The following ATRNL1 variants were observed in gnomAD, a reference collection of about 807,000 sequenced individuals.
The protein encoded by ATRNL1 is attractin-like protein 1.
ATRNL1 carries 95 observed loss-of-function variants against 182.7 expected under a neutral mutation model. That is an observed-to-expected ratio of 0.52 (90% confidence interval 0.44 to 0.62). The LOEUF (loss-of-function observed/expected upper bound fraction) is 0.62, where lower values mean the gene tolerates loss of function less well. Among genes scored for constraint, ATRNL1 ranks in the 20% least tolerant of loss-of-function variants. The pLI is 0.00. For missense variants in ATRNL1, 1,471 were observed against 1,679.5 expected, an observed-to-expected ratio of 0.88 and a Z score of 2.17; for synonymous variants, 576 against 568.3, an observed-to-expected ratio of 1.01 and a Z score of -0.19.
intron 8 of ATRNL1, among the ~76,000 whole-genome samples, chr10:115,197,737 C>G (rs192039481): frequency 2.0e-5 from 3 of 152,066 alleles, no homozygotes; most frequent in Admixed American, 1.3e-4. Flanking sequence ...AAGTTGGCTC[C>G]CCCTAAACAC....
At chr10:115,868,819 A>ATTTTT (rs1555105343) in intron 28 of ATRNL1, among the ~76,000 whole-genome samples, 5 of 98,278 alleles carry the variant, frequency 5.1e-5, no homozygotes, top group African/African-American at 1.8e-4. Flanking sequence ...GCAAGTCTTT[A>ATTTTT]TTCTTTTTTT....
At chr10:115,481,242 T>C (rs1028613843) in intron 24 of ATRNL1, among the ~76,000 whole-genome samples, 51 of 150,488 alleles carry the variant, frequency 3.4e-4, no homozygotes, top group African/African-American at 1.0e-3. Context: ...ATAAGAATTT[T>C]TTCAGATCAT....
chr10:115,159,204 T>C (rs1485431192), intron 5 of ATRNL1, among the ~76,000 whole-genome samples: 1 of 151,518 alleles, frequency 6.6e-6, no homozygotes, highest in Non-Finnish European at 1.5e-5. Flanking sequence ...ATAAAAGAAA[T>C]TTAAACATAG....
At chr10:115,326,468 T>C (rs1230587993) in intron 18 of ATRNL1, among the ~76,000 whole-genome samples, 1 of 152,114 alleles carries the variant, frequency 6.6e-6, no homozygotes, top group Admixed American at 6.5e-5. Context: ...TCCATGCTCA[T>C]GGGTAGGAAG....
At chr10:115,201,820 G>T (rs553270333) in intron 8 of ATRNL1, among the ~76,000 whole-genome samples, 1 of 152,138 alleles carries the variant, frequency 6.6e-6, no homozygotes, top group Non-Finnish European at 1.5e-5. Flanking sequence ...ATTACCTTGG[G>T]CAGTATGGCC....
intron 26 of ATRNL1, among the ~76,000 whole-genome samples, chr10:115,634,166 C>T (rs1270008732): frequency 6.6e-6 from 1 of 152,090 alleles, no homozygotes; most frequent in Admixed American, 6.5e-5. Context: ...TTCACTAAAA[C>T]ACCTAAAATC....
At chr10:115,725,332 C>T (rs1947561315) in intron 26 of ATRNL1, among the ~76,000 whole-genome samples, 1 of 151,940 alleles carries the variant, frequency 6.6e-6, no homozygotes, top group African/African-American at 2.4e-5. Context: ...GATTACAGTC[C>T]ATGGAACTCT....
At chr10:115,879,705 T>A (rs929327958) in intron 28 of ATRNL1, among the ~76,000 whole-genome samples, 17 of 152,188 alleles carry the variant, frequency 1.1e-4, no homozygotes, top group African/African-American at 4.1e-4. Context: ...AGCAATAGAT[T>A]GTAAATGATA....
rs535549016 is a variant in ATRNL1 at position 115,828,143 on chromosome 10, C to G, written c.3904-19734C>G. ...TACCAGCCTGACCAACATGGAGAAA[C>G]CTTGTCTCTACTAAAAATACAAAAT... On this transcript the variant is annotated intron_variant, in intron 27 of 28. Coordinates refer to ENST00000355044, the MANE Select transcript of ATRNL1 (RefSeq NM_207303.4). Among the ~76,000 whole-genome samples, 90 of 152,146 alleles carry G rather than the reference C, an allele frequency of 5.9e-4. No homozygotes were observed. In the South Asian group the frequency reaches 0.016, roughly 27 times the overall value.
intron 27 of ATRNL1, among the ~76,000 whole-genome samples, chr10:115,802,829 A>G (rs1949828674): frequency 6.6e-6 from 1 of 152,110 alleles, no homozygotes; most frequent in African/African-American, 2.4e-5. Flanking sequence ...AATTAGTAAA[A>G]CTTTTCCAGA....
At chr10:115,306,527 T>G (rs1275581194) in intron 17 of ATRNL1, among the ~76,000 whole-genome samples, 1 of 152,114 alleles carries the variant, frequency 6.6e-6, no homozygotes, top group Non-Finnish European at 1.5e-5. Context: ...TAATTTTTTT[T>G]TACAGTTTTT....
chr10:115,237,235 A>G (rs1413089433), intron 9 of ATRNL1, among the ~76,000 whole-genome samples: 1 of 152,118 alleles, frequency 6.6e-6, no homozygotes, highest in East Asian at 1.9e-4. Flanking sequence ...GTGTGGACAT[A>G]TTTTCAACTC....
At chr10:115,109,521 C>G (rs575852681) in intron 1 of ATRNL1, among the ~76,000 whole-genome samples, 2 of 152,262 alleles carry the variant, frequency 1.3e-5, no homozygotes, top group Admixed American at 1.3e-4. Flanking sequence ...CAGCATTAAT[C>G]CATTCATGAG....
chr10:115,591,434 T>A (rs1855898204), intron 26 of ATRNL1, among the ~76,000 whole-genome samples: 1 of 152,172 alleles, frequency 6.6e-6, no homozygotes. Flanking sequence ...GCAAATCCTC[T>A]CGGAGAAGAT....
rs1441568302 is a variant in ATRNL1, at chr10:115,389,538, GTGTATATATATATATA to G, written c.3176-5119_3176-5104del. 5.1e-4 allele frequency among the ~76,000 whole-genome samples: 26 copies of G among 51,408 alleles called. 1 individual carries two copies. Among genetic ancestry groups the G allele is most frequent in the South Asian group, 2.9e-3 (4 of 1,358 alleles). The allele number at this position is 51,408 out of a possible 152,430, so 33.7% of individuals were successfully genotyped here. The stretch of plus-strand genomic sequence containing the variant: ...AGCTGAATAGTATTCAAATGTGTAT[GTGTATATATATATATA>G]TATATATATATATATATATATATAT... On this transcript the variant is annotated intron_variant, in intron 19 of 28. Transcript: ENST00000355044.
intron 1 of ATRNL1, among the ~76,000 whole-genome samples, chr10:115,100,174 GC>G (rs1389407687): frequency 1.3e-5 from 2 of 152,102 alleles, no homozygotes; most frequent in East Asian, 3.9e-4. Context: ...TGCGCATTTA[GC>G]CCATCTACTT....
At chr10:115,838,562 G>A (rs1950732734) in intron 27 of ATRNL1, among the ~76,000 whole-genome samples, 1 of 152,134 alleles carries the variant, frequency 6.6e-6, no homozygotes, top group Admixed American at 6.6e-5. Flanking sequence ...CAAGCAAGCT[G>A]GCATTGGTGG....
At chr10:115,561,302 G>A (rs1231567015) in intron 26 of ATRNL1, among the ~76,000 whole-genome samples, 5 of 151,998 alleles carry the variant, frequency 3.3e-5, no homozygotes, top group African/African-American at 9.7e-5. Flanking sequence ...TAATCAAAAG[G>A]CAAATTACCC....
At chr10:115,905,571 G>A (rs1479141056) in intron 28 of ATRNL1, among the ~76,000 whole-genome samples, 1 of 152,020 alleles carries the variant, frequency 6.6e-6, no homozygotes, top group Non-Finnish European at 1.5e-5. Context: ...TATATCTGAT[G>A]CCCAGAATCT....
Sources: allele counts gnomAD v4.1 joint callset (sites outside exome capture counted in the v4.1 genomes callset), GRCh38; gene constraint gnomAD v4.1.1; transcripts MANE v1.5; gene names NCBI Gene and HGNC (gene_info 2026-07-23, HGNC 2026-07-21).